Variants in AGBL1 observed in about 807,000 individuals in gnomAD.
The protein encoded by AGBL1 is AGBL carboxypeptidase 1, also known as cytosolic carboxypeptidase 4.
AGBL1 carries 130 observed loss-of-function variants against 118.9 expected under a neutral mutation model. That is an observed-to-expected ratio of 1.09 (90% confidence interval 0.95 to 1.26). The LOEUF is 1.26. Ranked by LOEUF, AGBL1 falls within the 50% of genes most tolerant of loss-of-function variation. The probability of loss-of-function intolerance (pLI) is 0.00; values close to 1 mark genes in which losing one functional copy is unlikely to be tolerated. For missense variants in AGBL1, 1,584 were observed against 1,298.1 expected (o/e 1.22, Z -3.38); for synonymous variants, 555 against 478.9 (o/e 1.16, Z -2.08).
rs952954617 is a variant in AGBL1, at chr15:86,264,191, G to A, written c.1087-67G>A. The stretch of plus-strand genomic sequence containing the variant: ...GCTCTGTGCCCAGAGAGTAAGGACA[G>A]GGATCAAATTGTATTCCCTACCTGG... On this transcript the variant is annotated intron_variant, in intron 10 of 22. Coordinates refer to ENST00000614907, the MANE Select transcript of AGBL1 (RefSeq NM_001386094.1). 4 of 1,294,544 alleles carry A rather than the reference G, an allele frequency of 3.1e-6. No individual in the cohort carries two copies. In the African/African-American group the frequency reaches 6.0e-5, roughly 19 times the overall value. 80.2% of individuals were successfully genotyped at this position (1,294,544 alleles called of 1,614,324 possible).
chr15:86,979,519 C>T (rs2141718975), intron 23 of AGBL1, among the ~76,000 whole-genome samples: 1 of 151,660 alleles, frequency 6.6e-6, no homozygotes, highest in East Asian at 1.9e-4. Context: ...GATGGTGTCT[C>T]CCTCTGTTGC....
intron 21 of AGBL1, among the ~76,000 whole-genome samples, chr15:86,583,543 G>T (rs2084203665): frequency 6.6e-6 from 1 of 152,120 alleles, no homozygotes; most frequent in African/African-American, 2.4e-5. Flanking sequence ...GGTATTCAAT[G>T]GTGTATATAT....
At chr15:86,587,697 C>G (rs1048355861) in intron 21 of AGBL1, among the ~76,000 whole-genome samples, 13 of 152,290 alleles carry the variant, frequency 8.5e-5, no homozygotes, top group African/African-American at 3.1e-4. Flanking sequence ...TTTAGAGAAA[C>G]TCAGAAGACA....
intron 14 of AGBL1, 116 bp from the exon 15 acceptor site, chr15:86,271,503 T>C (rs985819846): frequency 2.9e-5 from 23 of 799,230 alleles, no homozygotes; most frequent in Non-Finnish European, 4.3e-5. Flanking sequence ...TTTGGCGATA[T>C]ATAGTTAACA....
At chr15:86,160,644 C>T (rs1192553527) in intron 5 of AGBL1, among the ~76,000 whole-genome samples, 3 of 152,216 alleles carry the variant, frequency 2.0e-5, no homozygotes, top group African/African-American at 7.2e-5. Context: ...CTTTATCTTT[C>T]TGCCCTATTC....
rs549080030 is a variant in AGBL1 at position 86,985,098 on chromosome 15, T to G, written c.3222-2889T>G. The stretch of plus-strand genomic sequence containing the variant: ...TCCTAATTTTATTGCAAAATAGTAG[T>G]ACATTGTGTAGATATGCTATATTGT... On this transcript the variant is annotated intron_variant, in intron 23 of 24. Transcript: ENST00000441037. Among the ~76,000 whole-genome samples, 66 of 152,358 alleles carry G rather than the reference T, an allele frequency of 4.3e-4. 1 individual carries two copies. Among genetic ancestry groups the G allele is most frequent in the African/African-American group, 1.5e-3 (63 of 41,582 alleles).
At chr15:86,505,444 ACT>A (rs1200683353) in intron 18 of AGBL1, among the ~76,000 whole-genome samples, 1 of 151,298 alleles carries the variant, frequency 6.6e-6, no homozygotes, top group Non-Finnish European at 1.5e-5. Context: ...GGTGTCTGAG[ACT>A]CTGTTAATTT....
intron 24 of AGBL1, among the ~76,000 whole-genome samples, chr15:87,000,053 C>A (rs1277385167): frequency 1.2e-5 from 1 of 84,228 alleles, no homozygotes; most frequent in Non-Finnish European, 2.8e-5. Flanking sequence ...TCATGTCCTT[C>A]GCCCACTTTT....
intron 24 of AGBL1, among the ~76,000 whole-genome samples, chr15:87,005,377 CT>C (rs1406962107): frequency 2.0e-5 from 3 of 152,142 alleles, no homozygotes; most frequent in Non-Finnish European, 4.4e-5. Flanking sequence ...TTCTTGGAGG[CT>C]TTGTTCTTTT....
chr15:86,215,224 CGTGTGTGTGTGTGTGT>C (rs1555449552), intron 5 of AGBL1, among the ~76,000 whole-genome samples: 25 of 114,480 alleles, frequency 2.2e-4, no homozygotes, highest in African/African-American at 4.2e-4. Flanking sequence ...TATATGTATG[CGTGTGTGTGTGTGTGT>C]GTGTGTGTGT....
rs540489959 is a variant in AGBL1 at position 86,370,438 on chromosome 15, G to A, written c.2375-26928G>A. Among the ~76,000 whole-genome samples, 73 of 151,744 alleles carry A rather than the reference G, an allele frequency of 4.8e-4. 2 individuals carry two copies. The South Asian group carries it at 0.014, about 29-fold the overall frequency. ...TTCTGCCTCAGCCTCCTGAGTAGCCGGGATTACAGGCACCCGCCATCATGA... is the reference window on the plus strand; with the variant it reads ...TTCTGCCTCAGCCTCCTGAGTAGCCAGGATTACAGGCACCCGCCATCATGA... On this transcript the variant is annotated intron_variant, in intron 17 of 22. Transcript: ENST00000614907.
chr15:86,484,108 A>G (rs1313123728), intron 18 of AGBL1, among the ~76,000 whole-genome samples: 1 of 152,118 alleles, frequency 6.6e-6, no homozygotes, highest in Non-Finnish European at 1.5e-5. Flanking sequence ...CCAGCCAATC[A>G]CAGCCTGCCA....
At chr15:86,843,257 G>C (rs1398000335) in intron 22 of AGBL1, among the ~76,000 whole-genome samples, 1 of 152,116 alleles carries the variant, frequency 6.6e-6, no homozygotes, top group East Asian at 1.9e-4. Context: ...CAGCTTTGAG[G>C]GCCCTGCTGT....
chr15:86,805,085 TG>T lies in AGBL1; in HGVS notation c.3159-102000del, dbSNP rs374917510. ...TGCAAAGGACTCAAGTGGTCTTTTCTGGCCCCAGGAGATAATTGGTTAGCTG... is the reference window on the plus strand; with the variant it reads ...TGCAAAGGACTCAAGTGGTCTTTTCTGCCCCAGGAGATAATTGGTTAGCTG... On this transcript the variant is annotated intron_variant, in intron 22 of 22. Coordinates refer to ENST00000614907, the MANE Select transcript of AGBL1 (RefSeq NM_001386094.1). 6.2e-4 allele frequency among the ~76,000 whole-genome samples: 94 copies of T among 152,236 alleles called. 1 individual carries two copies. The East Asian group carries it at 0.015, about 24-fold the overall frequency.
rs191370598 is a variant in AGBL1 at position 86,478,627 on chromosome 15, G to C, written c.2556-44183G>C. Among the ~76,000 whole-genome samples the C allele has an allele frequency of 1.4e-3, 212 of 152,260 alleles. 1 individual carries two copies. Among genetic ancestry groups the C allele is most frequent in the African/African-American group, 4.9e-3 (204 of 41,538 alleles). On this transcript the variant is annotated intron_variant, in intron 18 of 22. Transcript: ENST00000614907. ...AACATTCCATGCTCATGGATAGGAA[G>C]AATCAATATCATGAAAATGGCCATA...
chr15:86,893,403 G>C (rs1468323996), intron 22 of AGBL1, among the ~76,000 whole-genome samples: 1 of 152,128 alleles, frequency 6.6e-6, no homozygotes, highest in Non-Finnish European at 1.5e-5. Flanking sequence ...AATGCCACAG[G>C]CTGGGTTTTG....
At chr15:86,693,478 GTTCC>G (rs1490636705) in intron 22 of AGBL1, among the ~76,000 whole-genome samples, 2 of 151,950 alleles carry the variant, frequency 1.3e-5, no homozygotes, top group African/African-American at 4.8e-5. Context: ...AATTTTTTGA[GTTCC>G]TTGTAGATTC....
chr15:86,496,967 GT>G (rs1262057342), intron 18 of AGBL1, among the ~76,000 whole-genome samples: 2 of 151,940 alleles, frequency 1.3e-5, no homozygotes, highest in African/African-American at 4.8e-5. Context: ...TACATATACA[GT>G]GTGAAATGAC....
At chr15:86,387,656 C>T (rs563325880) in intron 17 of AGBL1, among the ~76,000 whole-genome samples, 1 of 152,224 alleles carries the variant, frequency 6.6e-6, no homozygotes, top group African/African-American at 2.4e-5. Flanking sequence ...TGTAGGCTGC[C>T]AATAGAATGA....
Sources: gnomAD v4.1 joint callset for allele counts (sites outside exome capture counted in the v4.1 genomes callset) on GRCh38, gnomAD v4.1.1 for gene constraint, MANE v1.5 for transcripts, NCBI Gene and HGNC (gene_info 2026-07-23, HGNC 2026-07-21) for gene names.